The following CCSER1 variants were observed in gnomAD, a reference collection of about 807,000 sequenced individuals.
The protein encoded by CCSER1 is serine-rich coiled-coil domain-containing protein 1.
In CCSER1, 41 loss-of-function variants were observed where a neutral mutation model predicts 82.0. The observed-to-expected ratio is 0.50, with a 90% confidence interval of 0.39 to 0.65. The LOEUF (loss-of-function observed/expected upper bound fraction) is 0.65, where lower values mean the gene tolerates loss of function less well. CCSER1 is among the 30% of genes least tolerant of loss of function. CCSER1 has a pLI of 0.00. For missense variants in CCSER1, 1,119 were observed against 1,064.2 expected, an observed-to-expected ratio of 1.05 and a Z score of -0.72; for synonymous variants, 414 against 383.9, an observed-to-expected ratio of 1.08 and a Z score of -0.92.
intron 1 of CCSER1, among the ~76,000 whole-genome samples, chr4:90,208,162 T>G (rs1019325108): frequency 1.3e-5 from 2 of 152,184 alleles, no homozygotes; most frequent in Non-Finnish European, 1.5e-5. Context: ...AGTCCCTGAC[T>G]GGGGCTGCTG....
intron 7 of CCSER1, among the ~76,000 whole-genome samples, chr4:90,769,411 G>C (rs1191338989): frequency 6.6e-6 from 1 of 152,148 alleles, no homozygotes; most frequent in East Asian, 1.9e-4. Flanking sequence ...CTGCTCAACT[G>C]AATGATGACT....
At chr4:90,491,003 G>A (rs756789953) in intron 5 of CCSER1, among the ~76,000 whole-genome samples, 10 of 152,110 alleles carry the variant, frequency 6.6e-5, no homozygotes, top group Middle Eastern at 3.2e-3. Context: ...TTGGCAATGC[G>A]GGCCCTTTTT....
rs78363938 is a variant in CCSER1, at chr4:91,033,683, C to T, written c.2173-52267C>T. The stretch of plus-strand genomic sequence containing the variant: ...GCAACAGGCTAAGCATCTAGCAGCA[C>T]GGAGATGAGATGAGCAATCTGTTGT... On this transcript the variant is annotated intron_variant, in intron 9 of 10. Coordinates refer to ENST00000509176, the MANE Select transcript of CCSER1 (RefSeq NM_001145065.2). Among the ~76,000 whole-genome samples the T allele has an allele frequency of 2.8e-3, 428 of 152,246 alleles. 11 individuals are homozygous for T. The East Asian group carries it at 0.038, about 13-fold the overall frequency.
intron 9 of CCSER1, among the ~76,000 whole-genome samples, chr4:90,941,539 T>C (rs182735642): frequency 6.6e-6 from 1 of 152,272 alleles, no homozygotes; most frequent in African/African-American, 2.4e-5. Context: ...TTCTTTTTCA[T>C]ATTTAACTTG....
intron 6 of CCSER1, among the ~76,000 whole-genome samples, chr4:90,698,461 T>TATAGAGATGGGAACCTGGGAATG (rs1460221328): frequency 1.3e-5 from 2 of 152,148 alleles, no homozygotes; most frequent in African/African-American, 4.8e-5. Context: ...TGTAGTGCAA[T>TATAGAGATGGGAACCTGGGAATG]ATAGAGATGG....
chr4:90,230,718 C>A (rs1390977132), intron 1 of CCSER1, among the ~76,000 whole-genome samples: 6 of 150,476 alleles, frequency 4.0e-5, no homozygotes, highest in Admixed American at 2.0e-4. Context: ...AATTGATAGA[C>A]CGCTAGCAAG....
intron 10 of CCSER1, among the ~76,000 whole-genome samples, chr4:91,097,821 T>A (rs1374424734): frequency 1.3e-5 from 2 of 152,160 alleles, no homozygotes; most frequent in Non-Finnish European, 2.9e-5. Flanking sequence ...ACATTTTAAA[T>A]TATTAAAATA....
At chr4:91,262,744 C>T (rs990200389) in intron 10 of CCSER1, among the ~76,000 whole-genome samples, 1 of 151,448 alleles carries the variant, frequency 6.6e-6, no homozygotes, top group Admixed American at 6.6e-5. Context: ...CTGAATAGGA[C>T]AATACTGAAG....
chr4:90,451,145 G>A (rs1282238770), intron 4 of CCSER1, among the ~76,000 whole-genome samples: 4 of 152,074 alleles, frequency 2.6e-5, no homozygotes, highest in East Asian at 1.9e-4. Context: ...TTTTATACCC[G>A]CTGGGTGACA....
intron 10 of CCSER1, among the ~76,000 whole-genome samples, chr4:91,357,589 C>A (rs1254723449): frequency 6.6e-6 from 1 of 151,622 alleles, no homozygotes; most frequent in African/African-American, 2.4e-5. Context: ...TTATTATGCC[C>A]CTTTATAATC....
At chr4:90,805,569 A>G (rs912179351) in intron 7 of CCSER1, among the ~76,000 whole-genome samples, 2 of 152,200 alleles carry the variant, frequency 1.3e-5, no homozygotes, top group African/African-American at 4.8e-5. Context: ...CCAAGATGCA[A>G]GGACAGGAAC....
At chr4:90,243,335 G>A (rs555212030) in intron 1 of CCSER1, among the ~76,000 whole-genome samples, 4 of 151,926 alleles carry the variant, frequency 2.6e-5, no homozygotes, top group Non-Finnish European at 4.4e-5. Context: ...TGCAACCTCC[G>A]TCTCCCGGGT....
At chr4:91,003,796 T>C (rs143687158) in intron 9 of CCSER1, among the ~76,000 whole-genome samples, 149 of 152,308 alleles carry the variant, frequency 9.8e-4, no homozygotes, top group African/African-American at 3.5e-3. Flanking sequence ...TCCTTCCTTC[T>C]GTGGCCTTTT....
chr4:90,977,794 T>C (rs868593727), intron 9 of CCSER1, among the ~76,000 whole-genome samples: 3 of 151,710 alleles, frequency 2.0e-5, no homozygotes, highest in Non-Finnish European at 4.4e-5. Context: ...ATCGACTCCA[T>C]CATCATTTAC....
At chr4:91,041,580 C>T (rs762418763) in intron 9 of CCSER1, among the ~76,000 whole-genome samples, 59 of 152,092 alleles carry the variant, frequency 3.9e-4, no homozygotes, top group Non-Finnish European at 4.0e-4. Flanking sequence ...ATGGACAATG[C>T]CATTGCCTGC....
At position 90,815,822 on chromosome 4, in the gene CCSER1, A is replaced by G; in HGVS notation, c.2071A>G (p.Ile691Val). Residue 691 changes from isoleucine to valine, a missense_variant, in exon 8 of 11, where the codon ATT becomes GTT. By Grantham distance (29) the Ile-to-Val change is conservative. Coordinates refer to ENST00000509176, the MANE Select transcript of CCSER1 (RefSeq NM_001145065.2). ...GCAGCTGAAAGAGAAGGATGAACTCATTTCCCAACTTCAGGAAGAGCTGGT... is the reference window on the plus strand; with the variant it reads ...GCAGCTGAAAGAGAAGGATGAACTCGTTTCCCAACTTCAGGAAGAGCTGGT... ...KLQLKEKDEL[I>V]SQLQEELGKV... 1 of 1,551,096 alleles carries G rather than the reference A, an allele frequency of 6.4e-7. No homozygotes were observed. Among genetic ancestry groups the G allele is most frequent in the Non-Finnish European group, 8.7e-7 (1 of 1,146,668 alleles).
chr4:91,113,850 ATT>A (rs34946872), intron 10 of CCSER1, among the ~76,000 whole-genome samples: 303 of 146,106 alleles, frequency 2.1e-3, no homozygotes, highest in Middle Eastern at 6.9e-3. Context: ...TGATATCTAC[ATT>A]TTTTTTTTTT....
At chr4:90,299,074 A>G (rs1226342000) in intron 1 of CCSER1, among the ~76,000 whole-genome samples, 14 of 152,014 alleles carry the variant, frequency 9.2e-5, no homozygotes. Flanking sequence ...TAAATGTGTA[A>G]CTTATGTCTT....
At chr4:90,464,788 A>G (rs1578605843) in intron 4 of CCSER1, among the ~76,000 whole-genome samples, 2 of 152,310 alleles carry the variant, frequency 1.3e-5, no homozygotes, top group South Asian at 4.1e-4. Context: ...CATGTTTTTT[A>G]TATTACATTA....
Sources: gnomAD v4.1 joint callset for allele counts (sites outside exome capture counted in the v4.1 genomes callset) on GRCh38, gnomAD v4.1.1 for gene constraint, MANE v1.5 for transcripts, NCBI Gene and HGNC (gene_info 2026-07-23, HGNC 2026-07-21) for gene names.